MBD5: variants seen among roughly 807,000 people sequenced by gnomAD.
MBD5 encodes the protein methyl-CpG binding domain protein 5.
A neutral mutation model predicts 117.3 loss-of-function variants in MBD5; 13 were observed. That is an observed-to-expected ratio of 0.11 (90% confidence interval 0.07 to 0.18). MBD5 has a LOEUF of 0.18. Ranked by LOEUF, MBD5 falls within the 10% of genes least tolerant of loss-of-function variation. MBD5 has a pLI of 1.00. For missense variants in MBD5, 1,879 were observed against 2,093.8 expected, an observed-to-expected ratio of 0.90 and a Z score of 2.00; for synonymous variants, 727 against 766.4, an observed-to-expected ratio of 0.95 and a Z score of 0.85.
At chr2:148,241,982 T>G (rs1272640833) in intron 3 of MBD5, among the ~76,000 whole-genome samples, 1 of 152,188 alleles carries the variant, frequency 6.6e-6, no homozygotes, top group East Asian at 1.9e-4. Flanking sequence ...CATATTTACC[T>G]GTTTGCTTTA....
chr2:148,339,347 T>A (rs1362826655), intron 3 of MBD5, among the ~76,000 whole-genome samples: 1 of 152,086 alleles, frequency 6.6e-6, no homozygotes, highest in East Asian at 1.9e-4. Context: ...CCAAAGTGAG[T>A]GGCCCTCAAG....
chr2:148,399,908 T>A (rs113066662), intron 4 of MBD5, among the ~76,000 whole-genome samples: 18,899 of 152,260 alleles, frequency 0.12, 1,561 homozygotes, highest in Non-Finnish European at 0.19. Flanking sequence ...TCTATTGAGA[T>A]AATCATGTGG....
chr2:148,454,496 C>G (rs1039398996), intron 4 of MBD5, among the ~76,000 whole-genome samples: 31 of 151,920 alleles, frequency 2.0e-4, no homozygotes, highest in African/African-American at 7.5e-4. Flanking sequence ...TAGTATATAC[C>G]AGTATTTATA....
intron 1 of MBD5, among the ~76,000 whole-genome samples, chr2:148,149,436 G>C (rs1390979796): frequency 1.4e-5 from 2 of 144,122 alleles, no homozygotes; most frequent in Non-Finnish European, 3.0e-5. Flanking sequence ...ATGATTTATA[G>C]TCCTTTGGGT....
chr2:148,446,298 T>C (rs1451119319), intron 4 of MBD5, among the ~76,000 whole-genome samples: 2 of 152,138 alleles, frequency 1.3e-5, no homozygotes, highest in Admixed American at 6.6e-5. Flanking sequence ...CCATCTTGAA[T>C]TAATTTTTGT....
chr2:148,078,356 C>A (rs1215488802), intron 1 of MBD5, among the ~76,000 whole-genome samples: 1 of 152,056 alleles, frequency 6.6e-6, no homozygotes, highest in Admixed American at 6.6e-5. Flanking sequence ...TCCTATGTAT[C>A]CAGTGGGTGA....
intron 3 of MBD5, among the ~76,000 whole-genome samples, chr2:148,269,864 T>A (rs1700943573): frequency 6.6e-6 from 1 of 151,928 alleles, no homozygotes; most frequent in Admixed American, 6.6e-5. Flanking sequence ...TCTTCTCTCT[T>A]AACTTTCTCA....
intron 3 of MBD5, among the ~76,000 whole-genome samples, chr2:148,321,000 A>C (rs932246004): frequency 4.6e-5 from 7 of 152,042 alleles, no homozygotes. Context: ...GATACCTTAC[A>C]TTTTAAATGA....
chr2:148,398,845 G>T (rs1306668350), intron 4 of MBD5, among the ~76,000 whole-genome samples: 3 of 152,134 alleles, frequency 2.0e-5, no homozygotes, highest in Non-Finnish European at 4.4e-5. Context: ...TGTAAGGAAG[G>T]GATTCAGTTT....
At chr2:148,067,067 A>G (rs1695217927) in intron 1 of MBD5, among the ~76,000 whole-genome samples, 3 of 151,582 alleles carry the variant, frequency 2.0e-5, no homozygotes. Flanking sequence ...TGTAGATTTA[A>G]GGTTAGCTAT....
At chr2:148,106,338 G>C (rs1418885810) in intron 1 of MBD5, among the ~76,000 whole-genome samples, 1 of 151,744 alleles carries the variant, frequency 6.6e-6, no homozygotes, top group African/African-American at 2.4e-5. Flanking sequence ...CATTTTTAAT[G>C]ATACTCATAT....
Position 148,202,414 on chromosome 2 carries a change from C to G in MBD5, c.-831+23621C>G, listed in dbSNP as rs533699002. On this transcript the variant is annotated intron_variant, in intron 2 of 13. Transcript: ENST00000642680. Reference sequence around the variant, plus strand: ...GAGTGACCTAGGCAGCAGAATGGAACAGCAAATGTAAAGACTGTTGATTCA... The same window carrying G: ...GAGTGACCTAGGCAGCAGAATGGAAGAGCAAATGTAAAGACTGTTGATTCA... 4.6e-5 allele frequency among the ~76,000 whole-genome samples: 7 copies of G among 152,114 alleles called. No homozygotes were observed. The East Asian group carries it at 1.4e-3, about 30-fold the overall frequency.
At chr2:148,072,217 A>G (rs1573982884) in intron 1 of MBD5, among the ~76,000 whole-genome samples, 2 of 152,166 alleles carry the variant, frequency 1.3e-5, no homozygotes, top group African/African-American at 2.4e-5. Flanking sequence ...AGTGAAAAAT[A>G]CCTTTGGGTA....
chr2:148,419,403 T>C (rs1705528008), intron 4 of MBD5, among the ~76,000 whole-genome samples: 1 of 152,192 alleles, frequency 6.6e-6, no homozygotes, highest in South Asian at 2.1e-4. Flanking sequence ...AAAGCACATA[T>C]ATTTTACTTT....
chr2:148,135,211 G>C (rs1697143572), intron 1 of MBD5, among the ~76,000 whole-genome samples: 1 of 152,114 alleles, frequency 6.6e-6, no homozygotes, highest in Non-Finnish European at 1.5e-5. Context: ...AATATGTCCG[G>C]TTGTATGACT....
chr2:148,080,518 A>G (rs1263238474), intron 1 of MBD5, among the ~76,000 whole-genome samples: 1 of 152,136 alleles, frequency 6.6e-6, no homozygotes, highest in African/African-American at 2.4e-5. Context: ...TCTGGCATCC[A>G]CTTTTGAAAC....
chr2:148,191,126 A>G lies in MBD5; in HGVS notation c.-831+12333A>G, dbSNP rs1288178585. ...ATAAAGCAAGTCCTGAGTGACCTACAAAGAGACTTAGACTCCCACACATTA... is the reference window on the plus strand; with the variant it reads ...ATAAAGCAAGTCCTGAGTGACCTACGAAGAGACTTAGACTCCCACACATTA... On this transcript the variant is annotated intron_variant, in intron 2 of 13. Coordinates refer to ENST00000642680, the MANE Select transcript of MBD5 (RefSeq NM_001378120.1). Among the ~76,000 whole-genome samples, 3 of 50,562 alleles carry G rather than the reference A, an allele frequency of 5.9e-5. No individual in the cohort carries two copies. The Admixed American group carries it at 7.5e-4, about 13-fold the overall frequency. The allele number at this position is 50,562 out of a possible 152,430, so 33.2% of individuals were successfully genotyped here.
intron 3 of MBD5, among the ~76,000 whole-genome samples, chr2:148,268,280 A>G (rs543921432): frequency 1.8e-4 from 28 of 151,758 alleles, no homozygotes; most frequent in African/African-American, 6.3e-4. Context: ...TGGTCTCCCT[A>G]AACTGCCCCC....
At chr2:148,409,208 G>A (rs1705178312) in intron 4 of MBD5, among the ~76,000 whole-genome samples, 1 of 151,882 alleles carries the variant, frequency 6.6e-6, no homozygotes, top group African/African-American at 2.4e-5. Context: ...AACATAGTGA[G>A]ACCCTGTCTC....
Sources: gnomAD v4.1 joint callset for allele counts (sites outside exome capture counted in the v4.1 genomes callset) on GRCh38, gnomAD v4.1.1 for gene constraint, MANE v1.5 for transcripts, NCBI Gene and HGNC (gene_info 2026-07-23, HGNC 2026-07-21) for gene names.